The following PKD1L1 variants were observed in gnomAD, a reference collection of about 807,000 sequenced individuals.
PKD1L1 encodes the protein polycystin-1-like protein 1.
A neutral mutation model predicts 323.4 loss-of-function variants in PKD1L1; 236 were observed. The ratio of observed to expected loss-of-function variants is 0.73; its 90% CI spans 0.66 to 0.81. The LOEUF is 0.81. PKD1L1 is among the 40% of genes least tolerant of loss of function. The probability of loss-of-function intolerance (pLI) is 0.00; values close to 1 mark genes in which losing one functional copy is unlikely to be tolerated. For synonymous variants in PKD1L1, 1,344 were observed against 1,335.0 expected (o/e 1.01, Z -0.15); for missense variants, 3,320 against 3,508.0 (o/e 0.95, Z 1.35).
At chr7:47,834,107 C>T (rs1785405597) in intron 40 of PKD1L1, among the ~76,000 whole-genome samples, 1 of 151,322 alleles carries the variant, frequency 6.6e-6, no homozygotes, top group African/African-American at 2.4e-5. Context: ...CTTTCTGACC[C>T]ACCTGGAGAG....
intron 51 of PKD1L1, 59 bp from the exon 52 acceptor site, chr7:47,808,446 C>T (rs1259893711): frequency 1.9e-6 from 3 of 1,597,146 alleles, no homozygotes; most frequent in South Asian, 2.2e-5. Flanking sequence ...TACCTGGCAC[C>T]CCATGTGACA....
chr7:47,795,285 C>A (rs1348819329), intron 55 of PKD1L1: 10 of 449,900 alleles, frequency 2.2e-5, no homozygotes, highest in Non-Finnish European at 1.3e-5. Flanking sequence ...TGGTCTTTCT[C>A]ATGCTATTCT....
chr7:47,857,637 T>C lies in PKD1L1; in HGVS notation c.4558A>G (p.Asn1520Asp). The C allele has an allele frequency of 6.2e-7, 1 of 1,614,222 alleles. No individual in the cohort carries two copies. Among genetic ancestry groups the C allele is most frequent in the Non-Finnish European group, 8.5e-7 (1 of 1,180,042 alleles). The change falls in exon 28 of 57, where the codon AAC (asparagine) becomes GAC (aspartate). Residue 1520 changes from asparagine (N) to aspartate (D), a missense_variant. By Grantham distance (23) the Asn-to-Asp change is conservative. Transcript: ENST00000289672. ...YISQLILFKK[N>D]PYPGSQAPGQ... The stretch of plus-strand genomic sequence containing the variant: ...GGAGCTTGGCTCCCTGGATATGGGT[T>C]CTTCTTGAAGAGTATGAGCTGGCTA...
Position 47,781,160 on chromosome 7 carries a change from C to T in PKD1L1, c.8527-5994G>A, listed in dbSNP as rs897647948. On this transcript the variant is annotated intron_variant, in intron 56 of 56. Coordinates refer to ENST00000289672, the MANE Select transcript of PKD1L1 (RefSeq NM_138295.5). Reference sequence around the variant, plus strand: ...GTTCCCTAACGGCTAGTGATAGTCACATCTTTTCATGTGTTTGCCATCTGT... The same window carrying T: ...GTTCCCTAACGGCTAGTGATAGTCATATCTTTTCATGTGTTTGCCATCTGT... 2.6e-5 allele frequency among the ~76,000 whole-genome samples: 4 copies of T among 152,164 alleles called. No homozygotes were observed. In the East Asian group the frequency reaches 5.8e-4, roughly 22 times the overall value.
chr7:47,904,648 G>A, intron 11 of PKD1L1, 31 bp from the exon 12 acceptor site: 1 of 1,592,792 alleles, frequency 6.3e-7, no homozygotes, highest in Non-Finnish European at 8.6e-7. Context: ...GGCAGGGAAG[G>A]CAGATGGCAA....
At chr7:47,845,416 T>C (rs971765687) in intron 32 of PKD1L1, among the ~76,000 whole-genome samples, 5 of 152,330 alleles carry the variant, frequency 3.3e-5, no homozygotes, top group African/African-American at 1.2e-4. Flanking sequence ...ACAGCCTAGC[T>C]GTGCTGCTGG....
At chr7:47,921,119 G>GA (rs542547920) in intron 7 of PKD1L1, among the ~76,000 whole-genome samples, 20 of 149,156 alleles carry the variant, frequency 1.3e-4, no homozygotes, top group African/African-American at 4.7e-4. Context: ...CACAGAGTGG[G>GA]AAAAAAAATC....
chr7:47,849,729 A>C (rs1252816677), intron 31 of PKD1L1, among the ~76,000 whole-genome samples: 4 of 152,252 alleles, frequency 2.6e-5, no homozygotes, highest in African/African-American at 9.6e-5. Context: ...ATACTTTTAC[A>C]CTGCCTGTGG....
intron 13 of PKD1L1, 27 bp from the exon 14 acceptor site, chr7:47,898,221 C>T (rs374969644): frequency 7.0e-6 from 11 of 1,577,620 alleles, no homozygotes; most frequent in Non-Finnish European, 9.6e-6. Flanking sequence ...GAAGATGTCT[C>T]ATTAAAATGT....
rs545818192 is a variant in PKD1L1, at chr7:47,901,657, T to C, written c.2064+722A>G. Among the ~76,000 whole-genome samples the C allele has an allele frequency of 5.9e-5, 9 of 152,336 alleles. No individual in the cohort carries two copies. The South Asian group carries it at 1.7e-3, about 28-fold the overall frequency. ...AAGGTGGGCAGGGGTATTGCCTGTG[T>C]GGGGGCCGGGACCCTTTCCGGATTG... On this transcript the variant is annotated intron_variant, in intron 13 of 56. Transcript: ENST00000289672.
intron 28 of PKD1L1, among the ~76,000 whole-genome samples, chr7:47,856,502 C>T (rs1468466205): frequency 1.3e-5 from 2 of 152,148 alleles, no homozygotes; most frequent in South Asian, 2.1e-4. Context: ...GACAAGACAT[C>T]TTGTTCTGAA....
intron 30 of PKD1L1, among the ~76,000 whole-genome samples, chr7:47,853,471 G>A (rs1387377516): frequency 3.3e-5 from 5 of 152,016 alleles, no homozygotes; most frequent in South Asian, 2.1e-4. Flanking sequence ...GGCCAGGCAC[G>A]GTGGCTCACA....
At chr7:47,951,838 G>A (rs531523219), upstream of PKD1L1, among the ~76,000 whole-genome samples, 1 of 152,306 alleles carries the variant, frequency 6.6e-6, no homozygotes, top group South Asian at 2.1e-4. Flanking sequence ...CGTTTCTCAG[G>A]TTTCAATGCA....
At chr7:47,843,257 C>G in intron 33 of PKD1L1, 88 bp from the exon 34 acceptor site, 1 of 982,802 alleles carries the variant, frequency 1.0e-6, no homozygotes, top group Non-Finnish European at 1.5e-6. Flanking sequence ...GCCCCTTACA[C>G]ACAAAAGTCC....
At chr7:47,937,496 A>C (rs2708881) in intron 3 of PKD1L1, among the ~76,000 whole-genome samples, 80,737 of 151,848 alleles carry the variant, frequency 0.53, 21,581 homozygotes, top group African/African-American at 0.57. Context: ...AGACTCAGGA[A>C]GTGGAGTTTC....
At chr7:47,905,820 C>A (rs368894361) in intron 10 of PKD1L1, 23 bp downstream of exon 10, 1 of 1,609,676 alleles carries the variant, frequency 6.2e-7, no homozygotes, top group Admixed American at 1.7e-5. Context: ...TTTGTTAAAT[C>A]TGGAATTAAA....
chr7:47,921,103 A>T (rs1383699997), intron 7 of PKD1L1, among the ~76,000 whole-genome samples: 2 of 152,170 alleles, frequency 1.3e-5, no homozygotes, highest in Non-Finnish European at 2.9e-5. Context: ...GACTAAACAG[A>T]CAACCCACAG....
rs752459383 is a variant in PKD1L1, at chr7:47,902,366, A to T, written c.2064+13T>A. The T allele has an allele frequency of 6.2e-7, 1 of 1,612,672 alleles. No individual in the cohort carries two copies. Among genetic ancestry groups the T allele is most frequent in the Non-Finnish European group, 8.5e-7 (1 of 1,179,576 alleles). ...AAGAGGCTGGTGGAGGATTTCCCAG[A>T]CTCCGAGCCTACCTGGACTTTCCCA... On this transcript the variant is annotated intron_variant, in intron 13 of 56. Coordinates refer to ENST00000289672, the MANE Select transcript of PKD1L1 (RefSeq NM_138295.5).
At chr7:47,901,906 C>A (rs970727022) in intron 13 of PKD1L1, among the ~76,000 whole-genome samples, 4 of 152,022 alleles carry the variant, frequency 2.6e-5, no homozygotes, top group African/African-American at 9.7e-5. Context: ...TTTTTCTAAC[C>A]CAGAATAGGT....
Sources: gnomAD v4.1 joint callset for allele counts (sites outside exome capture counted in the v4.1 genomes callset) on GRCh38, gnomAD v4.1.1 for gene constraint, MANE v1.5 for transcripts, NCBI Gene and HGNC (gene_info 2026-07-23, HGNC 2026-07-21) for gene names.